The following BICD1 variants were observed in gnomAD, a reference collection of about 807,000 sequenced individuals.
BICD1 encodes the protein BICD cargo adaptor 1.
BICD1 carries 35 observed loss-of-function variants against 92.5 expected under a neutral mutation model. The ratio of observed to expected loss-of-function variants is 0.38; its 90% CI spans 0.29 to 0.50. BICD1 has a LOEUF of 0.50. BICD1 is among the 20% of genes least tolerant of loss of function. The pLI is 0.93. For synonymous variants in BICD1, 429 were observed against 465.1 expected, an observed-to-expected ratio of 0.92 and a Z score of 1.00; for missense variants, 950 against 1,189.8, an observed-to-expected ratio of 0.80 and a Z score of 2.97.
intron 1 of BICD1, among the ~76,000 whole-genome samples, chr12:32,177,291 G>C (rs757764666): frequency 1.3e-5 from 2 of 150,964 alleles, no homozygotes; most frequent in Non-Finnish European, 2.9e-5. Flanking sequence ...CTCCAGTCTG[G>C]GCAACACAGC....
intron 2 of BICD1, among the ~76,000 whole-genome samples, chr12:32,279,123 A>G (rs1947352505): frequency 6.6e-6 from 1 of 152,212 alleles, no homozygotes; most frequent in Non-Finnish European, 1.5e-5. Flanking sequence ...AAAGGACCAC[A>G]TATTCTATGA....
chr12:32,176,473 T>A (rs889268638), intron 1 of BICD1, among the ~76,000 whole-genome samples: 4 of 152,328 alleles, frequency 2.6e-5, no homozygotes, highest in Admixed American at 2.6e-4. Context: ...GTTCAATTAT[T>A]TTTGGACACA....
intron 1 of BICD1, among the ~76,000 whole-genome samples, chr12:32,176,291 A>G (rs1944087536): frequency 6.6e-6 from 1 of 152,170 alleles, no homozygotes; most frequent in Non-Finnish European, 1.5e-5. Flanking sequence ...AGAAATTGTC[A>G]AACTATTTTC....
intron 2 of BICD1, among the ~76,000 whole-genome samples, chr12:32,228,853 T>A (rs75815803): frequency 0.025 from 3,881 of 152,206 alleles, 152 homozygotes; most frequent in African/African-American, 0.084. Context: ...TTCGAACATG[T>A]TAAGTTTTAA....
chr12:32,285,541 C>T (rs1947540236), intron 2 of BICD1, among the ~76,000 whole-genome samples: 1 of 152,002 alleles, frequency 6.6e-6, no homozygotes, highest in South Asian at 2.1e-4. Context: ...TTTCTTCTTG[C>T]CAATAGTGAA....
intron 2 of BICD1, among the ~76,000 whole-genome samples, chr12:32,267,050 C>T (rs1947016606): frequency 6.6e-6 from 1 of 152,188 alleles, no homozygotes; most frequent in African/African-American, 2.4e-5. Context: ...ACAGGAGTGG[C>T]TGATGACAGA....
chr12:32,175,667 A>C (rs1390145701), intron 1 of BICD1, among the ~76,000 whole-genome samples: 1 of 152,176 alleles, frequency 6.6e-6, no homozygotes, highest in Admixed American at 6.5e-5. Flanking sequence ...TACGTTGGGA[A>C]GGTCCCCCAA....
At chr12:32,252,054 T>TCATATATTTATAA (rs57155044) in intron 2 of BICD1, among the ~76,000 whole-genome samples, 17 of 38,358 alleles carry the variant, frequency 4.4e-4, no homozygotes, top group South Asian at 2.2e-3. Context: ...ATAATAAATA[T>TCATATATTTATAA]TATATATTAT....
In BICD1 at chr12:32,313,383, T is replaced by C. The variant is rs1170231873; in HGVS notation, c.1005+7261T>C. 3.2e-4 allele frequency among the ~76,000 whole-genome samples: 48 copies of C among 152,216 alleles called. 1 individual carries two copies. Among genetic ancestry groups the C allele is most frequent in the Admixed American group, 3.1e-3 (48 of 15,282 alleles). On this transcript the variant is annotated intron_variant, in intron 4 of 9. Coordinates refer to ENST00000652176, the MANE Select transcript of BICD1 (RefSeq NM_001714.4). This position sits in a 1 kb window ranked among gnomAD's most constrained non-coding sequence, Gnocchi z 4.2. ...TATTTGCTTAATTGGTTGCTGCTTATAACAACTGTATGGGGTAGAGAGTAT... is the reference window on the plus strand; with the variant it reads ...TATTTGCTTAATTGGTTGCTGCTTACAACAACTGTATGGGGTAGAGAGTAT...
intron 1 of BICD1, among the ~76,000 whole-genome samples, chr12:32,155,733 A>G (rs1943417081): frequency 6.6e-6 from 1 of 152,212 alleles, no homozygotes; most frequent in South Asian, 2.1e-4. Context: ...TTAAAACATA[A>G]AAAAAATTGG....
chr12:32,309,988 T>C lies in BICD1; in HGVS notation c.1005+3866T>C, dbSNP rs537091975. On this transcript the variant is annotated intron_variant, in intron 4 of 9. Transcript: ENST00000652176. ...TTCTCCTGGCCTGGATCCAAAACACTGCATGGGAGAGGCCGCCTTGTGCCT... is the reference window on the plus strand; with the variant it reads ...TTCTCCTGGCCTGGATCCAAAACACCGCATGGGAGAGGCCGCCTTGTGCCT... Among the ~76,000 whole-genome samples the C allele has an allele frequency of 2.6e-5, 4 of 152,208 alleles. No homozygotes were observed. In the South Asian group the frequency reaches 8.3e-4, roughly 32 times the overall value.
In BICD1 at chr12:32,310,664, C is replaced by A. The variant is rs1016673326; in HGVS notation, c.1005+4542C>A. 2.6e-5 allele frequency among the ~76,000 whole-genome samples: 4 copies of A among 152,070 alleles called. No homozygotes were observed. The South Asian group carries it at 6.2e-4, about 24-fold the overall frequency. The stretch of plus-strand genomic sequence containing the variant: ...AGTCATGCATGGAGGAAGAAAAGGA[C>A]AAAGAGAAAGGAAAATAAGTAAAAA... On this transcript the variant is annotated intron_variant, in intron 4 of 9. Coordinates refer to ENST00000652176, the MANE Select transcript of BICD1 (RefSeq NM_001714.4).
chr12:32,262,296 T>C (rs1307263914), intron 2 of BICD1, among the ~76,000 whole-genome samples: 2 of 152,134 alleles, frequency 1.3e-5, no homozygotes, highest in African/African-American at 4.8e-5. Context: ...AGTCCTTGGC[T>C]ACTCTATAAT....
intron 1 of BICD1, among the ~76,000 whole-genome samples, chr12:32,162,606 A>C (rs1041043952): frequency 6.6e-6 from 1 of 152,228 alleles, no homozygotes; most frequent in Non-Finnish European, 1.5e-5. Flanking sequence ...TAATTCATCA[A>C]TAGAGGTTAG....
At chr12:32,166,077 C>T (rs1310683411) in intron 1 of BICD1, among the ~76,000 whole-genome samples, 1 of 151,758 alleles carries the variant, frequency 6.6e-6, no homozygotes, top group Non-Finnish European at 1.5e-5. Flanking sequence ...TACTCCTTCT[C>T]CCTGGGACAT....
In BICD1 at chr12:32,310,907, C is replaced by G. The variant is rs143685928; in HGVS notation, c.1005+4785C>G. On this transcript the variant is annotated intron_variant, in intron 4 of 9. Coordinates refer to ENST00000652176, the MANE Select transcript of BICD1 (RefSeq NM_001714.4). ...CTCCTTTGAAAACAGTATACCTAGT[C>G]CATATACCCTTTCGGCCTTTTCTTC... 4.8e-3 allele frequency among the ~76,000 whole-genome samples: 734 copies of G among 152,242 alleles called. 5 individuals are homozygous for G. Among genetic ancestry groups the G allele is most frequent in the African/African-American group, 0.017 (704 of 41,530 alleles).
At chr12:32,198,084 A>T (rs765904395) in intron 1 of BICD1, among the ~76,000 whole-genome samples, 1 of 151,972 alleles carries the variant, frequency 6.6e-6, no homozygotes, top group Non-Finnish European at 1.5e-5. Context: ...TCATGCCTGT[A>T]ATCCCAGCTA....
intron 9 of BICD1, among the ~76,000 whole-genome samples, chr12:32,376,505 G>A (rs1592735991): frequency 2.0e-5 from 3 of 152,102 alleles, no homozygotes; most frequent in Admixed American, 1.3e-4. Flanking sequence ...ATAGGCCTGA[G>A]CACAGGTTCA....
intron 1 of BICD1, among the ~76,000 whole-genome samples, chr12:32,178,870 C>T (rs1214731838): frequency 1.3e-5 from 2 of 151,976 alleles, no homozygotes; most frequent in African/African-American, 4.8e-5. Context: ...TGTCCTGGCA[C>T]ACTGCAGGCC....
Sources: allele counts gnomAD v4.1 joint callset (sites outside exome capture counted in the v4.1 genomes callset), GRCh38; gene constraint gnomAD v4.1.1; non-coding constraint Gnocchi (gnomAD v3.1); transcripts MANE v1.5; gene names NCBI Gene and HGNC (gene_info 2026-07-23, HGNC 2026-07-21).